RUNX2: variants seen among roughly 807,000 people sequenced by gnomAD.
The protein encoded by RUNX2 is runt-related transcription factor 2.
A neutral mutation model predicts 51.7 loss-of-function variants in RUNX2; 10 were observed. The ratio of observed to expected loss-of-function variants is 0.19; its 90% CI spans 0.12 to 0.33. The LOEUF is 0.33. RUNX2 is among the 10% of genes least tolerant of loss of function. The pLI, the probability that RUNX2 is intolerant of heterozygous loss-of-function variation, is 1.00. For missense variants in RUNX2, 562 were observed against 691.3 expected (o/e 0.81, Z 2.10); for synonymous variants, 276 against 273.6 (o/e 1.01, Z -0.09).
chr6:45,428,009 T>C (rs1798430355), intron 3 of RUNX2, among the ~76,000 whole-genome samples: 1 of 152,168 alleles, frequency 6.6e-6, no homozygotes, highest in African/African-American at 2.4e-5. Context: ...CTTCTCCTTT[T>C]CTCATGGAGT....
rs550875733 is a variant in RUNX2, at chr6:45,444,085, G to A, written c.685+6034G>A. On this transcript the variant is annotated intron_variant, in intron 5 of 8. Transcript: ENST00000647337. ...GACTGATATCGACCTCCTGACCTCA[G>A]GTGATCTGCCCGCCTCGGCCTCCCA... Among the ~76,000 whole-genome samples, 754 of 152,176 alleles carry A rather than the reference G, an allele frequency of 5.0e-3. 11 individuals carry two copies. Among genetic ancestry groups the A allele is most frequent in the African/African-American group, 0.017 (713 of 41,514 alleles).
intron 5 of RUNX2, among the ~76,000 whole-genome samples, chr6:45,485,716 T>TATATATACACAC (rs1554394671): frequency 1.6e-5 from 2 of 126,524 alleles, no homozygotes; most frequent in East Asian, 2.1e-4. Context: ...TATATATATA[T>TATATATACACAC]ACACATATTT....
At chr6:45,515,583 T>C (rs1801295679) in intron 7 of RUNX2, among the ~76,000 whole-genome samples, 2 of 152,162 alleles carry the variant, frequency 1.3e-5, no homozygotes, top group African/African-American at 4.8e-5. Context: ...AGAAAATAGA[T>C]CACCGCAGGG....
At chr6:45,470,244 C>G (rs543140561) in intron 5 of RUNX2, among the ~76,000 whole-genome samples, 6 of 152,170 alleles carry the variant, frequency 3.9e-5, no homozygotes, top group African/African-American at 1.2e-4. Context: ...ATGTAGAGAC[C>G]ATGTAAAGTG....
chr6:45,398,248 T>C (rs538411295), intron 2 of RUNX2, among the ~76,000 whole-genome samples: 1 of 152,250 alleles, frequency 6.6e-6, no homozygotes, highest in South Asian at 2.1e-4. Flanking sequence ...AGAGTTGTAG[T>C]GGGAGGTAGA....
chr6:45,529,484 G>A (rs990474738), intron 7 of RUNX2, among the ~76,000 whole-genome samples: 2 of 151,946 alleles, frequency 1.3e-5, no homozygotes, highest in Non-Finnish European at 2.9e-5. Context: ...TCGGATGATG[G>A]GTTGGCTGTT....
At chr6:45,543,501 C>G (rs187326725) in intron 7 of RUNX2, among the ~76,000 whole-genome samples, 44 of 152,244 alleles carry the variant, frequency 2.9e-4, no homozygotes, top group South Asian at 1.0e-3. Flanking sequence ...GAGCTCTGAG[C>G]GTACCAGGCA....
intron 4 of RUNX2, 120 bp from the exon 5 acceptor site, chr6:45,437,827 G>A (rs1798727880): frequency 2.6e-6 from 2 of 777,072 alleles, no homozygotes; most frequent in African/African-American, 3.4e-5. Flanking sequence ...CCTGCCTCTT[G>A]TCTTTGTTTC....
intron 7 of RUNX2, among the ~76,000 whole-genome samples, chr6:45,519,642 A>G (rs1801436939): frequency 6.6e-6 from 1 of 151,972 alleles, no homozygotes; most frequent in African/African-American, 2.4e-5. Context: ...TTGGAATCAT[A>G]CAATAAGTAA....
intron 2 of RUNX2, among the ~76,000 whole-genome samples, chr6:45,347,635 G>C (rs1791150583): frequency 6.6e-6 from 1 of 151,998 alleles, no homozygotes; most frequent in Non-Finnish European, 1.5e-5. Flanking sequence ...AAGGGAATAT[G>C]CACATGACAG....
chr6:45,439,804 G>A (rs919777217), intron 5 of RUNX2, among the ~76,000 whole-genome samples: 5 of 152,146 alleles, frequency 3.3e-5, no homozygotes, highest in African/African-American at 9.6e-5. Context: ...TGAACGATAT[G>A]ACAATAAGTG....
intron 7 of RUNX2, among the ~76,000 whole-genome samples, chr6:45,538,833 T>C (rs1802122079): frequency 6.6e-6 from 1 of 152,050 alleles, no homozygotes; most frequent in Non-Finnish European, 1.5e-5. Flanking sequence ...GGGCTGGAAA[T>C]GGCTTCAGGA....
chr6:45,539,669 T>C (rs923398712), intron 7 of RUNX2, among the ~76,000 whole-genome samples: 19 of 152,234 alleles, frequency 1.2e-4, no homozygotes, highest in African/African-American at 4.3e-4. Context: ...CATTTGACTT[T>C]TGAATAATGT....
intron 2 of RUNX2, among the ~76,000 whole-genome samples, chr6:45,379,781 G>GA (rs1354663741): frequency 2.6e-5 from 4 of 152,048 alleles, no homozygotes; most frequent in South Asian, 2.1e-4. Flanking sequence ...CAGGAGAATC[G>GA]CTTGAACCTG....
chr6:45,426,512 G>A (rs1285127806), intron 3 of RUNX2, among the ~76,000 whole-genome samples: 1 of 152,184 alleles, frequency 6.6e-6, no homozygotes, highest in African/African-American at 2.4e-5. Context: ...GGTGTTCAGG[G>A]TTCGTAACTT....
intron 2 of RUNX2, among the ~76,000 whole-genome samples, chr6:45,392,427 A>G (rs1372153485): frequency 6.6e-6 from 1 of 152,102 alleles, no homozygotes; most frequent in Admixed American, 6.6e-5. Flanking sequence ...GGAGGAATGC[A>G]TGAGTCCAGG....
chr6:45,453,725 G>C lies in RUNX2; in HGVS notation c.685+15674G>C, dbSNP rs140705915. 2.0e-4 allele frequency among the ~76,000 whole-genome samples: 31 copies of C among 152,336 alleles called. No individual in the cohort carries two copies. In the East Asian group the frequency reaches 3.7e-3, roughly 18 times the overall value. ...GGAACAAAAGTGGATGGTTTGGAGA[G>C]TGTGTCAGTGAAGGTCCTGTGCTTT... On this transcript the variant is annotated intron_variant, in intron 5 of 8. Coordinates refer to ENST00000647337, the MANE Select transcript of RUNX2 (RefSeq NM_001024630.4).
rs1302631983 is a variant in RUNX2, at chr6:45,512,331, C to A, written c.945C>A (p.Ile315=). 1.2e-6 allele frequency: 2 copies of A among 1,614,170 alleles called. No homozygotes were observed. Among genetic ancestry groups the A allele is most frequent in the Admixed American group, 3.3e-5 (2 of 60,024 alleles). Residue 315 remains isoleucine, a synonymous_variant, in exon 7 of 9, where the codon ATC becomes ATA. Coordinates refer to ENST00000647337, the MANE Select transcript of RUNX2 (RefSeq NM_001024630.4). ...SYLSQMTSPS[I]HSTTPLSSTR... ...TGAGCCAGATGACGTCCCCGTCCATCCACTCTACCACCCCGCTGTCTTCCA... is the reference window on the plus strand; with the variant it reads ...TGAGCCAGATGACGTCCCCGTCCATACACTCTACCACCCCGCTGTCTTCCA...
rs368516437 is a variant in RUNX2, at chr6:45,413,704, C to T, written c.59-8889C>T. ...TTGGCCTCCCAAAGTACTGGGATTA[C>T]AGGCATGAGCCACCAGAGCTTGGCC... is the stretch of plus-strand genomic sequence containing the variant. On this transcript the variant is annotated intron_variant, in intron 2 of 8. Coordinates refer to ENST00000647337, the MANE Select transcript of RUNX2 (RefSeq NM_001024630.4). 3.5e-3 allele frequency among the ~76,000 whole-genome samples: 537 copies of T among 152,260 alleles called. 5 individuals are homozygous for T. The highest frequency in any genetic ancestry group is 0.012 in the African/African-American group (509 of 41,540).
Sources: gnomAD v4.1 joint callset for allele counts (sites outside exome capture counted in the v4.1 genomes callset) on GRCh38, gnomAD v4.1.1 for gene constraint, MANE v1.5 for transcripts, NCBI Gene and HGNC (gene_info 2026-07-23, HGNC 2026-07-21) for gene names.